KIZ: variants seen among roughly 807,000 people sequenced by gnomAD.
KIZ encodes the protein centrosomal protein kizuna.
In KIZ, 68 loss-of-function variants were observed where a neutral mutation model predicts 79.6. The observed-to-expected ratio is 0.85, with a 90% CI of 0.70 to 1.05. The LOEUF is 1.05. KIZ is among the 50% of genes least tolerant of loss of function. KIZ has a pLI of 0.00. For missense variants in KIZ, 797 were observed against 800.4 expected (o/e 1.00, Z 0.05); for synonymous variants, 280 against 281.8 (o/e 0.99, Z 0.06).
intron 7 of KIZ, among the ~76,000 whole-genome samples, chr20:21,210,617 TAG>T (rs1481886264): frequency 3.3e-5 from 5 of 152,214 alleles, no homozygotes; most frequent in African/African-American, 1.2e-4. Flanking sequence ...TTCCTAGATA[TAG>T]AATTAGTAGG....
chr20:21,182,458 G>T (rs1248618012), intron 6 of KIZ, among the ~76,000 whole-genome samples: 6 of 152,132 alleles, frequency 3.9e-5, no homozygotes. Flanking sequence ...ACTGGCAAGG[G>T]TTATTATAAT....
chr20:21,149,480 C>T (rs1327465765), intron 4 of KIZ, among the ~76,000 whole-genome samples: 1 of 152,224 alleles, frequency 6.6e-6, no homozygotes, highest in African/African-American at 2.4e-5. Context: ...TACAACTCGA[C>T]TGAAGAAGAA....
intron 11 of KIZ, among the ~76,000 whole-genome samples, chr20:21,243,132 C>T (rs2037275330): frequency 6.6e-6 from 1 of 152,050 alleles, no homozygotes; most frequent in African/African-American, 2.4e-5. Context: ...CTGGCAGCTC[C>T]AGGACTGTCA....
chr20:21,131,028 G>A (rs1441984030), intron 1 of KIZ, among the ~76,000 whole-genome samples: 1 of 151,956 alleles, frequency 6.6e-6, no homozygotes, highest in Non-Finnish European at 1.5e-5. Flanking sequence ...TTCTTTTTTG[G>A]CCTTTACTTA....
At chr20:21,144,153 ACT>A (rs1293804877) in intron 3 of KIZ, 1 of 152,060 alleles carries the variant, frequency 6.6e-6, no homozygotes, top group Non-Finnish European at 1.5e-5. Context: ...ATTGAATAAA[ACT>A]CTCATATTTC....
chr20:21,208,654 A>G (rs2035941016), intron 7 of KIZ, among the ~76,000 whole-genome samples: 1 of 151,830 alleles, frequency 6.6e-6, no homozygotes, highest in Non-Finnish European at 1.5e-5. Flanking sequence ...GGTGACCGAG[A>G]TTGCGCCACT....
chr20:21,174,538 A>G (rs987673514), intron 6 of KIZ, among the ~76,000 whole-genome samples: 8 of 152,190 alleles, frequency 5.3e-5, no homozygotes, highest in African/African-American at 1.9e-4. Flanking sequence ...AAAGAAAACT[A>G]AGCAGTGGCA....
At chr20:21,245,966 C>T (rs1466670259) in intron 12 of KIZ, 1 of 153,596 alleles carries the variant, frequency 6.5e-6, no homozygotes, top group Non-Finnish European at 1.4e-5. Flanking sequence ...TTCCTGTCTT[C>T]CTTGTGTCAC....
chr20:21,163,302 G>T, intron 6 of KIZ, 143 bp downstream of exon 6: 1 of 572,986 alleles, frequency 1.7e-6, no homozygotes, highest in South Asian at 2.8e-5. Context: ...TTGTAGGCAA[G>T]ACCTAATTTT....
At chr20:21,136,321 A>G in intron 2 of KIZ, 69 bp from the exon 3 acceptor site, 1 of 928,930 alleles carries the variant, frequency 1.1e-6, no homozygotes, top group South Asian at 1.8e-5. Context: ...AATTTTGATG[A>G]AGAAAATTCC....
At chr20:21,231,351 AAATTTGACATAT>A (rs1434064953) in intron 10 of KIZ, among the ~76,000 whole-genome samples, 5 of 152,206 alleles carry the variant, frequency 3.3e-5, no homozygotes, top group African/African-American at 1.2e-4. Flanking sequence ...AAAGATGAGT[AAATTTGACATAT>A]AAGTTCTAGT....
rs766168725 is a variant in KIZ at position 21,162,372 on chromosome 20, A to G, written c.907A>G (p.Ile303Val). ...CDSSSGSEGE[I>V]LTREHIEVEE... is the part of the protein sequence containing the mutation. ...CAGTTCCAGCGGATCAGAGGGAGAA[A>G]TACTGACACGGGAACATATTGAAGT... is the stretch of plus-strand genomic sequence containing the variant. The change falls in exon 5 of 13, where the codon ATA becomes GTA. Residue 303 changes from isoleucine to valine, a missense_variant. By Grantham distance (29) the Ile-to-Val change is conservative. Transcript: ENST00000619189. 2 of 1,613,786 alleles carry G rather than the reference A, an allele frequency of 1.2e-6. No homozygotes were observed. The highest frequency in any genetic ancestry group is 1.3e-5 in the African/African-American group (1 of 74,922).
chr20:21,208,735 C>T (rs909015536), intron 7 of KIZ, among the ~76,000 whole-genome samples: 16 of 152,040 alleles, frequency 1.1e-4, no homozygotes, highest in African/African-American at 3.9e-4. Context: ...CAGGTAATTT[C>T]TCATCCAGTT....
chr20:21,209,027 T>A (rs575913810), intron 7 of KIZ, among the ~76,000 whole-genome samples: 1 of 152,340 alleles, frequency 6.6e-6, no homozygotes, highest in South Asian at 2.1e-4. Context: ...TACTAGAAAC[T>A]ACTTGGTTAA....
chr20:21,246,604 G>C lies in KIZ; in HGVS notation c.*28G>C, dbSNP rs369613038. On this transcript the variant is annotated 3_prime_UTR_variant, in exon 13 of 13. Coordinates refer to ENST00000619189, the MANE Select transcript of KIZ (RefSeq NM_018474.6). The stretch of plus-strand genomic sequence containing the variant: ...TGCTGTGACATTGGTTTCAAATAAA[G>C]TCTTTAAACAAACTAAAATCCTGTG... 2.0e-5 allele frequency: 26 copies of C among 1,313,782 alleles called. No individual in the cohort carries two copies. The highest frequency in any genetic ancestry group is 7.8e-5 in the Admixed American group (4 of 51,448). 81.4% of individuals were successfully genotyped at this position (1,313,782 alleles called of 1,614,324 possible). A position where few individuals can be genotyped will look rare whatever the true frequency, so the allele number is the denominator to read the frequency against.
chr20:21,203,693 A>G (rs1284341329), intron 6 of KIZ, among the ~76,000 whole-genome samples: 3 of 152,222 alleles, frequency 2.0e-5, no homozygotes, highest in African/African-American at 7.2e-5. Flanking sequence ...AGCAGGATAA[A>G]TGCTTTATTC....
intron 11 of KIZ, among the ~76,000 whole-genome samples, chr20:21,233,104 A>G (rs2036889034): frequency 1.3e-5 from 2 of 152,270 alleles, no homozygotes; most frequent in African/African-American, 4.8e-5. Context: ...TGCTCGCAGT[A>G]GGACTGCTTA....
At chr20:21,209,640 T>G (rs1055758332) in intron 7 of KIZ, among the ~76,000 whole-genome samples, 1 of 152,292 alleles carries the variant, frequency 6.6e-6, no homozygotes, top group Non-Finnish European at 1.5e-5. Context: ...ACTTAAGTGT[T>G]GATGCTTGCA....
intron 6 of KIZ, among the ~76,000 whole-genome samples, chr20:21,191,718 G>C (rs567997764): frequency 6.6e-6 from 1 of 152,234 alleles, no homozygotes; most frequent in East Asian, 1.9e-4. Flanking sequence ...AAGAGAACAG[G>C]GGGGGAAGCA....
Sources: gnomAD v4.1 joint callset for allele counts (sites outside exome capture counted in the v4.1 genomes callset) on GRCh38, gnomAD v4.1.1 for gene constraint, MANE v1.5 for transcripts, NCBI Gene and HGNC (gene_info 2026-07-23, HGNC 2026-07-21) for gene names.